The following PRDM16 variants were observed in gnomAD, a reference collection of about 807,000 sequenced individuals.
The protein encoded by PRDM16 is PR/SET domain 16.
Under a neutral mutation model 110.6 loss-of-function variants are expected in PRDM16, and 23 were observed. The ratio of observed to expected loss-of-function variants is 0.21; its 90% CI spans 0.15 to 0.29. The LOEUF is 0.29. PRDM16 is among the 10% of genes least tolerant of loss of function. PRDM16 has a pLI of 1.00. For missense variants in PRDM16, 1,615 were observed against 1,794.3 expected (o/e 0.90, Z 1.81); for synonymous variants, 799 against 781.8 (o/e 1.02, Z -0.37).
intron 1 of PRDM16, among the ~76,000 whole-genome samples, chr1:3,126,684 G>A (rs1048293689): frequency 7.9e-5 from 12 of 152,214 alleles, no homozygotes; most frequent in Admixed American, 2.0e-4. Flanking sequence ...CTGTAGGGCT[G>A]GTGCTTCTGG....
At position 3,279,564 on chromosome 1, in the gene PRDM16, A is replaced by G. The variant is rs558310323; in HGVS notation, c.438+35427A>G. On this transcript the variant is annotated intron_variant, in intron 3 of 16. Transcript: ENST00000270722. ...CCCCTTGTGACTGGGCTCTCTGTGG[A>G]TGACAAAAGGAAAGACTTGAGCAAG... is the stretch of plus-strand genomic sequence containing the variant. Among the ~76,000 whole-genome samples, 5 of 152,326 alleles carry G rather than the reference A, an allele frequency of 3.3e-5. No homozygotes were observed. The South Asian group carries it at 8.3e-4, about 25-fold the overall frequency.
At chr1:3,410,000 G>T (rs1322849212) in intron 8 of PRDM16, among the ~76,000 whole-genome samples, 1 of 138,668 alleles carries the variant, frequency 7.2e-6, no homozygotes. Context: ...GGTGTGGGGG[G>T]TGTGCATGTG....
chr1:3,408,795 C>G (rs867305838), intron 8 of PRDM16, among the ~76,000 whole-genome samples: 1 of 133,252 alleles, frequency 7.5e-6, no homozygotes, highest in South Asian at 2.5e-4. Flanking sequence ...TGAGCCGGTG[C>G]GTGTGTGTGA....
At chr1:3,176,152 TATCCATCC>T (rs145743378) in intron 1 of PRDM16, among the ~76,000 whole-genome samples, 10,865 of 90,174 alleles carry the variant, frequency 0.12, no homozygotes, top group Middle Eastern at 0.19. Context: ...CTCATTCATC[TATCCATCC>T]ATCCATCCAT....
At chr1:3,181,587 C>T (rs1341586199) in intron 1 of PRDM16, among the ~76,000 whole-genome samples, 1 of 147,766 alleles carries the variant, frequency 6.8e-6, no homozygotes, top group Non-Finnish European at 1.5e-5. Flanking sequence ...CACGGTCTTA[C>T]ATATGGTCTT....
intron 1 of PRDM16, among the ~76,000 whole-genome samples, chr1:3,173,974 T>C (rs1298605557): frequency 6.6e-6 from 1 of 152,088 alleles, no homozygotes; most frequent in Non-Finnish European, 1.5e-5. Flanking sequence ...CTATGGTCGC[T>C]TTGGTCTTTG....
chr1:3,423,975 C>G (rs1638513229), intron 12 of PRDM16, among the ~76,000 whole-genome samples: 2 of 152,256 alleles, frequency 1.3e-5, no homozygotes, highest in African/African-American at 4.8e-5. Flanking sequence ...AGAGCACACA[C>G]AAGTGTGCAC....
At chr1:3,096,952 T>G (rs1018610627) in intron 1 of PRDM16, among the ~76,000 whole-genome samples, 4 of 152,156 alleles carry the variant, frequency 2.6e-5, no homozygotes, top group Non-Finnish European at 5.9e-5. Context: ...CCGAGGCTGC[T>G]CTCTGTGCCC....
chr1:3,186,748 G>T lies in PRDM16; in HGVS notation c.387+274G>T, dbSNP rs12135062. Among the ~76,000 whole-genome samples, 45,976 of 152,050 alleles carry T rather than the reference G, an allele frequency of 0.3. 7,794 individuals are homozygous for T. Among genetic ancestry groups the T allele is most frequent in the African/African-American group, 0.47 (19,311 of 41,450 alleles). ...ATGAGCTCATGTCTTAAAACATCCC[G>T]TGCTTCCCGCCGGATCCCAGGCGCG... On this transcript the variant is annotated intron_variant, in intron 2 of 16. Transcript: ENST00000270722.
chr1:3,116,944 C>A (rs1642976063), intron 1 of PRDM16, among the ~76,000 whole-genome samples: 1 of 152,250 alleles, frequency 6.6e-6, no homozygotes, highest in Admixed American at 6.5e-5. Flanking sequence ...ACGGCACTCA[C>A]ACCTGGGGTG....
At position 3,157,890 on chromosome 1, in the gene PRDM16, C is replaced by T. The variant is rs1301504940; in HGVS notation, c.38-28235C>T. On this transcript the variant is annotated intron_variant, in intron 1 of 16. Transcript: ENST00000270722. The surrounding 1 kb of genome is among the most constrained non-coding windows in gnomAD (Gnocchi z 4.8). ...GCCCCAGCACCAACTATGCCATCTT[C>T]CTCCCACTTAAACCTCTCTTTTGAC... is the stretch of plus-strand genomic sequence containing the variant. Among the ~76,000 whole-genome samples the T allele has an allele frequency of 2.6e-5, 4 of 152,202 alleles. No individual in the cohort carries two copies. The highest frequency in any genetic ancestry group is 3.8e-4 in the East Asian group (2 of 5,200).
intron 14 of PRDM16, among the ~76,000 whole-genome samples, chr1:3,428,667 TCCTGCCC>T (rs996367094): frequency 5.9e-5 from 9 of 152,220 alleles, no homozygotes; most frequent in Non-Finnish European, 1.0e-4. Flanking sequence ...CAGAACCAGC[TCCTGCCC>T]TCCGCCATCA....
chr1:3,341,938 A>G (rs923717391), intron 3 of PRDM16, among the ~76,000 whole-genome samples: 2 of 152,246 alleles, frequency 1.3e-5, no homozygotes, highest in African/African-American at 2.4e-5. Flanking sequence ...AATATTTTCA[A>G]TTTATGATGA....
chr1:3,321,743 G>A (rs116138271), intron 3 of PRDM16, among the ~76,000 whole-genome samples: 259 of 150,916 alleles, frequency 1.7e-3, no homozygotes, highest in African/African-American at 5.4e-3. Context: ...ACATGTGTGC[G>A]GTGTGCACAA....
At chr1:3,302,290 C>T (rs374095277) in intron 3 of PRDM16, among the ~76,000 whole-genome samples, 4 of 152,052 alleles carry the variant, frequency 2.6e-5, no homozygotes, top group African/African-American at 7.2e-5. Context: ...AAGCCAGTGA[C>T]GCAAATGTTT....
At chr1:3,363,920 G>A (rs1343273455) in intron 3 of PRDM16, among the ~76,000 whole-genome samples, 1 of 152,182 alleles carries the variant, frequency 6.6e-6, no homozygotes, top group South Asian at 2.1e-4. Context: ...TCCTGAGCCA[G>A]CCCGCTACGC....
intron 1 of PRDM16, among the ~76,000 whole-genome samples, chr1:3,181,833 T>C (rs750426022): frequency 0.13 from 4,235 of 32,890 alleles, 135 homozygotes; most frequent in Admixed American, 0.2. Context: ...GTCTTACACA[T>C]TCAGTCTTAC....
intron 6 of PRDM16, among the ~76,000 whole-genome samples, chr1:3,404,368 A>C (rs79738908): frequency 0.045 from 6,795 of 152,312 alleles, 518 homozygotes; most frequent in African/African-American, 0.15. Flanking sequence ...TCCTGGGTTC[A>C]TGCCAGTGTT....
At chr1:3,354,459 C>CAAAAAAA (rs59791059) in intron 3 of PRDM16, among the ~76,000 whole-genome samples, 1 of 113,270 alleles carries the variant, frequency 8.8e-6, no homozygotes, top group African/African-American at 3.2e-5. Flanking sequence ...GACTCTGCCT[C>CAAAAAAA]AAAAAAAAAA....
Sources: gnomAD v4.1 joint callset for allele counts (sites outside exome capture counted in the v4.1 genomes callset) on GRCh38, gnomAD v4.1.1 for gene constraint, Gnocchi (gnomAD v3.1) non-coding constraint, MANE v1.5 for transcripts, NCBI Gene and HGNC (gene_info 2026-07-23, HGNC 2026-07-21) for gene names.